The following GAPVD1 variants were observed in gnomAD, a reference collection of about 807,000 sequenced individuals.
The protein encoded by GAPVD1 is GTPase-activating protein and VPS9 domain-containing protein 1.
GAPVD1 carries 35 observed loss-of-function variants against 155.5 expected under a neutral mutation model. The ratio of observed to expected loss-of-function variants is 0.23; its 90% CI spans 0.17 to 0.30. GAPVD1 has a LOEUF of 0.30. Among genes scored for constraint, GAPVD1 ranks in the 10% least tolerant of loss-of-function variants. The pLI is 1.00. For missense variants in GAPVD1, 1,429 were observed against 1,775.7 expected, an observed-to-expected ratio of 0.80 and a Z score of 3.51; for synonymous variants, 636 against 619.7, an observed-to-expected ratio of 1.03 and a Z score of -0.39.
chr9:125,350,735 A>T lies in GAPVD1; in HGVS notation c.3432A>T (p.Leu1144Phe). The change falls in exon 23 of 28, where the codon TTA becomes TTT. Residue 1144 changes from leucine to phenylalanine, a missense_variant. Leu to Phe is a conservative substitution (Grantham distance 22). Coordinates refer to ENST00000297933, the MANE Select transcript of GAPVD1 (RefSeq NM_001282680.3). ...TAGACAATGAAATTGTATGCTTCTT[A>T]AAAGTTCAAATAGCTGAAGCAATTA... ...DPEDNEIVCF[L>F]KVQIAEAINL... 6.5e-7 allele frequency: 1 copy of T among 1,546,804 alleles called. No homozygotes were observed. The highest frequency in any genetic ancestry group is 8.9e-7 in the Non-Finnish European group (1 of 1,120,322).
Position 125,331,977 on chromosome 9 carries a change from C to T in GAPVD1, c.2225C>T (p.Ser742Phe). 1 of 1,613,842 alleles carries T rather than the reference C, an allele frequency of 6.2e-7. No individual in the cohort carries two copies. The highest frequency in any genetic ancestry group is 8.5e-7 in the Non-Finnish European group (1 of 1,179,772). Residue 742 changes from serine (S) to phenylalanine (F), a missense_variant, in exon 14 of 28, where the codon TCT becomes TTT. Ser to Phe is a radical substitution (Grantham distance 155, BLOSUM62 -2). Around this residue, in one of 4 missense-constraint regions of GAPVD1, gnomAD observed 699 missense variants for 826.0 expected, o/e 0.85. Transcript: ENST00000297933. The stretch of plus-strand genomic sequence containing the variant: ...CGTCTGCAAGAACTGGAGAGCTGTT[C>T]TGGACTGGGTAGCACATCTGATGAT... Reference protein sequence around the residue: ...EERLQELESCSGLGSTSDDTD... With the variant: ...EERLQELESCFGLGSTSDDTD...
rs770047967 is a variant in GAPVD1 at position 125,332,646 on chromosome 9, A to G, written c.2428+17A>G. 6.2e-7 allele frequency: 1 copy of G among 1,601,792 alleles called. No homozygotes were observed. The highest frequency in any genetic ancestry group is 1.8e-5 in the Admixed American group (1 of 56,508). ...TAACTCACGGTAAGAGGGGGAAATG[A>G]GGATGACTTAAAAAATGACCACATC... is the stretch of plus-strand genomic sequence containing the variant. On this transcript the variant is annotated intron_variant, in intron 15 of 27. Coordinates refer to ENST00000297933, the MANE Select transcript of GAPVD1 (RefSeq NM_001282680.3).
At chr9:125,355,186 G>C (rs993176796) in intron 24 of GAPVD1, among the ~76,000 whole-genome samples, 1 of 151,656 alleles carries the variant, frequency 6.6e-6, no homozygotes, top group Non-Finnish European at 1.5e-5. Flanking sequence ...GCGTGATCTC[G>C]GCTCACTGCA....
At chr9:125,321,012 A>G (rs1337274912) in intron 9 of GAPVD1, among the ~76,000 whole-genome samples, 3 of 152,218 alleles carry the variant, frequency 2.0e-5, no homozygotes, top group African/African-American at 7.2e-5. Context: ...AATTCTCAAC[A>G]ATTACATGGC....
chr9:125,365,743 A>G lies in GAPVD1; in HGVS notation c.*2997A>G, dbSNP rs897408468. On this transcript the variant is annotated 3_prime_UTR_variant, in exon 28 of 28. Transcript: ENST00000297933. ...AACCACCATCTCCCAGTCTCTAGTG[A>G]TTCTCATGGCTCAGCCTCCCTGGTT... is the stretch of plus-strand genomic sequence containing the variant. 2.0e-5 allele frequency: 3 copies of G among 152,130 alleles called. No homozygotes were observed. Among genetic ancestry groups the G allele is most frequent in the African/African-American group, 7.2e-5 (3 of 41,424 alleles). The allele number at this position is 152,130 out of a possible 1,614,324, so 9.4% of individuals were successfully genotyped here. A position where few individuals can be genotyped will look rare whatever the true frequency, so the allele number is the denominator to read the frequency against.
rs139793224 is a variant in GAPVD1, at chr9:125,352,724, G to A, written c.3569+1852G>A. 3.1e-4 allele frequency among the ~76,000 whole-genome samples: 47 copies of A among 152,326 alleles called. No individual in the cohort carries two copies. In the South Asian group the frequency reaches 9.3e-3, roughly 30 times the overall value. ...ACTTATGCAAATTTCTATAGCCAGC[G>A]TGAATTTCTTCTCAGAAAATGGGAT... On this transcript the variant is annotated intron_variant, in intron 23 of 27. Coordinates refer to ENST00000297933, the MANE Select transcript of GAPVD1 (RefSeq NM_001282680.3).
chr9:125,279,110 GC>G (rs1343675036), intron 2 of GAPVD1, among the ~76,000 whole-genome samples: 1 of 151,502 alleles, frequency 6.6e-6, no homozygotes, highest in African/African-American at 2.4e-5. Context: ...TACTCAAGAG[GC>G]TGAAGCAGGG....
chr9:125,293,855 TATATATATATATATA>T (rs1839194282), intron 2 of GAPVD1, among the ~76,000 whole-genome samples: 1 of 4,228 alleles, frequency 2.4e-4, no homozygotes, highest in South Asian at 6.4e-3. Flanking sequence ...ATATATTTTA[TATATATATATATATA>T]TATATATATA....
intron 1 of GAPVD1, among the ~76,000 whole-genome samples, chr9:125,262,723 C>T (rs1393111009): frequency 6.6e-6 from 1 of 152,098 alleles, no homozygotes; most frequent in Non-Finnish European, 1.5e-5. Flanking sequence ...GGGTTTTAAA[C>T]TGGAGTTCAT....
In GAPVD1 at chr9:125,349,514, T is replaced by C. The variant is rs1849010511; in HGVS notation, c.3294T>C (p.Ser1098=). The part of the protein sequence containing the change: ...QAAHPQDSAF[S]YRDAKKKLRL... ...CCCACCCGCAGGATTCAGCTTTCTC[T>C]TACAGGTATTTCTTTTATAGGATTT... Residue 1098 remains serine (S), a synonymous_variant, in exon 21 of 28, where the codon TCT becomes TCC. Transcript: ENST00000297933. 1 of 1,613,812 alleles carries C rather than the reference T, an allele frequency of 6.2e-7. No homozygotes were observed. The highest frequency in any genetic ancestry group is 8.5e-7 in the Non-Finnish European group (1 of 1,179,824).
At chr9:125,354,122 C>T (rs1035153748) in intron 23 of GAPVD1, among the ~76,000 whole-genome samples, 8 of 152,150 alleles carry the variant, frequency 5.3e-5, no homozygotes, top group Non-Finnish European at 1.2e-4. Context: ...GTCCCCTGCT[C>T]ATGATTATGG....
At chr9:125,307,318 T>A in intron 6 of GAPVD1, 95 bp from the exon 7 acceptor site, 2 of 798,392 alleles carry the variant, frequency 2.5e-6, no homozygotes, top group Admixed American at 3.1e-5. Flanking sequence ...ATTTTTAAGA[T>A]GTTTAAATTT....
At chr9:125,284,153 G>A (rs1354373192) in intron 2 of GAPVD1, among the ~76,000 whole-genome samples, 2 of 150,870 alleles carry the variant, frequency 1.3e-5, no homozygotes, top group Non-Finnish European at 2.9e-5. Context: ...TGGGATTACA[G>A]GCGTGAGTCA....
rs190930060 is a variant in GAPVD1 at position 125,280,135 on chromosome 9, G to A, written c.-150+11151G>A. On this transcript the variant is annotated intron_variant, in intron 2 of 27. Transcript: ENST00000297933. ...AGAAGAGCCGGGCACAGTGGCTCAC[G>A]CCTGTAATCCCAGCACTTTGGGACT... Among the ~76,000 whole-genome samples, 344 of 150,440 alleles carry A rather than the reference G, an allele frequency of 2.3e-3. 1 individual carries two copies. The highest frequency in any genetic ancestry group is 8.1e-3 in the African/African-American group (333 of 41,258).
Position 125,359,418 on chromosome 9 carries a change from A to G in GAPVD1, c.3972-2A>G. On this transcript the variant is annotated splice_acceptor_variant, in intron 25 of 27. Transcript: ENST00000297933. LOFTEE classifies it high-confidence loss of function. ...TACATGTGTATTTTGGGGGGTTTTCAGGGTTCTTCATGAACATATCCAGAG... is the reference window on the plus strand; with the variant it reads ...TACATGTGTATTTTGGGGGGTTTTCGGGGTTCTTCATGAACATATCCAGAG... 1 of 1,561,656 alleles carries G rather than the reference A, an allele frequency of 6.4e-7. No individual in the cohort carries two copies. The highest frequency in any genetic ancestry group is 8.8e-7 in the Non-Finnish European group (1 of 1,133,528).
At chr9:125,308,404 TAAAC>T (rs1842182198) in intron 8 of GAPVD1, 1 of 152,110 alleles carries the variant, frequency 6.6e-6, no homozygotes, top group African/African-American at 2.4e-5. Flanking sequence ...AATAATATAA[TAAAC>T]AATATTATTT....
Position 125,362,638 on chromosome 9 carries a change from G to A in GAPVD1, c.4275G>A (p.Gln1425=), listed in dbSNP as rs1028446726. The part of the protein sequence containing the change: ...ANPPCLLSTV[Q]YISSFYASCL... ...CACCCTGTTTGCTGTCTACTGTGCA[G>A]TATATCAGTAGCTTTTATGCTAGCT... Residue 1425 remains glutamine, a synonymous_variant, in exon 28 of 28, where the codon CAG becomes CAA. Coordinates refer to ENST00000297933, the MANE Select transcript of GAPVD1 (RefSeq NM_001282680.3). The A allele has an allele frequency of 6.2e-7, 1 of 1,612,174 alleles. No individual in the cohort carries two copies. Among genetic ancestry groups the A allele is most frequent in the African/African-American group, 1.3e-5 (1 of 74,888 alleles).
intron 9 of GAPVD1, among the ~76,000 whole-genome samples, chr9:125,314,072 G>A (rs1843038498): frequency 6.6e-6 from 1 of 152,198 alleles, no homozygotes; most frequent in Non-Finnish European, 1.5e-5. Context: ...TAGCAGAAGA[G>A]AGATGAAGCC....
Position 125,302,523 on chromosome 9 carries a change from A to C in GAPVD1, c.726A>C (p.Arg242Ser), listed in dbSNP as rs768254622. The change falls in exon 5 of 28, where the codon AGA (arginine) becomes AGC (serine). Residue 242 changes from arginine to serine, a missense_variant. This residue lies in a region of GAPVD1 where 628 missense variants were observed against 733.4 expected (regional missense o/e 0.86). Coordinates refer to ENST00000297933, the MANE Select transcript of GAPVD1 (RefSeq NM_001282680.3). ...EKLFGEKGSD[R>S]FRQKVQEMVE... The stretch of plus-strand genomic sequence containing the variant: ...TCTTTGGAGAGAAGGGCTCAGATAG[A>C]TTCAGGCAAAAAGTTCAAGAAATGG... 4.3e-6 allele frequency: 7 copies of C among 1,614,012 alleles called. No homozygotes were observed. Among genetic ancestry groups the C allele is most frequent in the South Asian group, 1.1e-5 (1 of 91,086 alleles).
Sources: allele counts gnomAD v4.1 joint callset (sites outside exome capture counted in the v4.1 genomes callset), GRCh38; gene constraint gnomAD v4.1.1; regional missense constraint gnomAD v4.1.1; transcripts MANE v1.5; gene names NCBI Gene and HGNC (gene_info 2026-07-23, HGNC 2026-07-21).